The following PDE4D variants were observed in gnomAD, a reference collection of about 807,000 sequenced individuals.
PDE4D encodes 3',5'-cyclic-AMP phosphodiesterase 4D.
A neutral mutation model predicts 87.4 loss-of-function variants in PDE4D; 24 were observed. The ratio of observed to expected loss-of-function variants is 0.27; its 90% CI spans 0.20 to 0.39. PDE4D has a LOEUF of 0.39. Ranked by LOEUF, PDE4D falls within the 10% of genes least tolerant of loss-of-function variation. PDE4D has a pLI of 1.00. For missense variants in PDE4D, 714 were observed against 1,041.0 expected (o/e 0.69, Z 4.32); for synonymous variants, 384 against 383.2 (o/e 1.00, Z -0.02).
intron 2 of PDE4D, among the ~76,000 whole-genome samples, chr5:59,214,177 G>A (rs1318926246): frequency 1.3e-5 from 2 of 151,838 alleles, no homozygotes; most frequent in Non-Finnish European, 2.9e-5. Context: ...CCTTACTTCT[G>A]TGAATTTCGA....
At chr5:59,879,961 A>G (rs1374635514) in intron 1 of PDE4D, among the ~76,000 whole-genome samples, 2 of 151,890 alleles carry the variant, frequency 1.3e-5, no homozygotes, top group African/African-American at 4.8e-5. Context: ...GGCTGGTCTC[A>G]AACTCCTAAC....
chr5:59,231,085 G>T (rs139741886), intron 1 of PDE4D, among the ~76,000 whole-genome samples: 2 of 152,172 alleles, frequency 1.3e-5, no homozygotes. Context: ...AATTATGTAT[G>T]GTTACAAATT....
At chr5:60,193,837 G>A (rs1171991285) in intron 1 of PDE4D, among the ~76,000 whole-genome samples, 4 of 151,338 alleles carry the variant, frequency 2.6e-5, no homozygotes, top group African/African-American at 9.7e-5. Flanking sequence ...GCCTCTTAAT[G>A]TCTCTCTGAA....
At chr5:59,431,918 A>G (rs1163249895) in intron 1 of PDE4D, among the ~76,000 whole-genome samples, 1 of 152,064 alleles carries the variant, frequency 6.6e-6, no homozygotes, top group Admixed American at 6.6e-5. Flanking sequence ...TAAGGATAAT[A>G]GCCTCCAGTT....
At chr5:59,901,308 A>G (rs1752233830) in intron 3 of PDE4D, among the ~76,000 whole-genome samples, 1 of 152,216 alleles carries the variant, frequency 6.6e-6, no homozygotes, top group Non-Finnish European at 1.5e-5. Context: ...CTGGTTTAAT[A>G]TTTCAGTTAA....
At chr5:59,460,301 T>G (rs1800573583) in intron 1 of PDE4D, among the ~76,000 whole-genome samples, 1 of 152,168 alleles carries the variant, frequency 6.6e-6, no homozygotes, top group African/African-American at 2.4e-5. Context: ...AAAATTAAAG[T>G]AGACAAACAT....
chr5:59,557,872 C>T (rs62357525), intron 1 of PDE4D, among the ~76,000 whole-genome samples: 11,101 of 152,112 alleles, frequency 0.073, 593 homozygotes, highest in Admixed American at 0.13. Context: ...AAATGAGAAC[C>T]TATGGAAGGA....
intron 1 of PDE4D, among the ~76,000 whole-genome samples, chr5:60,327,320 A>G (rs1239001919): frequency 3.3e-5 from 5 of 152,304 alleles, no homozygotes; most frequent in African/African-American, 9.6e-5. Flanking sequence ...ATATTTTAAC[A>G]AGGTCTGTGT....
At chr5:59,862,642 G>A (rs1581475011) in intron 1 of PDE4D, among the ~76,000 whole-genome samples, 1 of 152,330 alleles carries the variant, frequency 6.6e-6, no homozygotes, top group South Asian at 2.1e-4. Context: ...CATGAGTGTA[G>A]GCATGGTTAG....
intron 1 of PDE4D, among the ~76,000 whole-genome samples, chr5:59,795,839 A>C (rs1301820620): frequency 1.3e-5 from 2 of 152,186 alleles, no homozygotes; most frequent in Non-Finnish European, 2.9e-5. Context: ...AATCGAGTTA[A>C]AATAAGGTCA....
intron 1 of PDE4D, among the ~76,000 whole-genome samples, chr5:59,775,291 C>T (rs1045726069): frequency 6.6e-6 from 1 of 151,760 alleles, no homozygotes; most frequent in Admixed American, 6.6e-5. Context: ...TGCAACTTGT[C>T]AACAACAACA....
chr5:60,340,885 G>GA (rs11392354), intron 1 of PDE4D, among the ~76,000 whole-genome samples: 32,045 of 151,848 alleles, frequency 0.21, 3,599 homozygotes, highest in South Asian at 0.39. Flanking sequence ...ATAGAAAAAA[G>GA]AAAAAATAAT....
rs1348070524 is a variant in PDE4D, at chr5:59,072,911, C to T, written c.809-33940G>A. Among the ~76,000 whole-genome samples, 3 of 152,158 alleles carry T rather than the reference C, an allele frequency of 2.0e-5. No homozygotes were observed. The East Asian group carries it at 5.8e-4, about 29-fold the overall frequency. On this transcript the variant is annotated intron_variant, in intron 5 of 14. Coordinates refer to ENST00000340635, the MANE Select transcript of PDE4D (RefSeq NM_001104631.2). ...GATGACCGATTCTGAAGCCTGCTGA[C>T]TGAGTTGCTTGTGGTTCCTGTCATT... is the stretch of plus-strand genomic sequence containing the variant.
At chr5:59,542,744 A>C (rs1281836917) in intron 1 of PDE4D, among the ~76,000 whole-genome samples, 1 of 152,176 alleles carries the variant, frequency 6.6e-6, no homozygotes, top group African/African-American at 2.4e-5. Flanking sequence ...ATAGAAGACC[A>C]ACACCTGCCC....
At chr5:59,220,210 A>G (rs1052753897) in intron 1 of PDE4D, among the ~76,000 whole-genome samples, 1 of 149,750 alleles carries the variant, frequency 6.7e-6, no homozygotes, top group Non-Finnish European at 1.5e-5. Flanking sequence ...TTTTGCAACA[A>G]ATAAAAGGTA....
intron 1 of PDE4D, among the ~76,000 whole-genome samples, chr5:59,884,303 C>T (rs185093521): frequency 1.3e-5 from 2 of 150,584 alleles, no homozygotes; most frequent in African/African-American, 4.9e-5. Flanking sequence ...TATATATATA[C>T]ACACACATAC....
At chr5:59,344,817 C>G (rs1779361726) in intron 1 of PDE4D, among the ~76,000 whole-genome samples, 1 of 152,068 alleles carries the variant, frequency 6.6e-6, no homozygotes, top group African/African-American at 2.4e-5. Flanking sequence ...TACTTATGTT[C>G]CCTCATATGC....
intron 1 of PDE4D, among the ~76,000 whole-genome samples, chr5:59,750,084 C>CTT (rs35243469): frequency 0.013 from 1,668 of 131,374 alleles, 27 homozygotes; most frequent in African/African-American, 0.04. Context: ...GAATTATGAC[C>CTT]TTTTTTTTTT....
intron 1 of PDE4D, among the ~76,000 whole-genome samples, chr5:59,508,487 T>C (rs1410011186): frequency 6.6e-6 from 1 of 152,034 alleles, no homozygotes; most frequent in Non-Finnish European, 1.5e-5. Flanking sequence ...AAATACACTT[T>C]CAACACAGAT....
Sources: allele counts gnomAD v4.1 joint callset (sites outside exome capture counted in the v4.1 genomes callset), GRCh38; gene constraint gnomAD v4.1.1; transcripts MANE v1.5; gene names NCBI Gene and HGNC (gene_info 2026-07-23, HGNC 2026-07-21).